GPR153: variants seen among roughly 807,000 people sequenced by gnomAD.
GPR153 encodes probable G protein-coupled receptor 153.
GPR153 carries 27 observed loss-of-function variants against 34.1 expected under a neutral mutation model. The ratio of observed to expected loss-of-function variants is 0.79; its 90% CI spans 0.58 to 1.09. GPR153 has a LOEUF of 1.09. Among genes scored for constraint, GPR153 ranks in the 50% least tolerant of loss-of-function variants. GPR153 has a pLI of 0.00. For missense variants in GPR153, 848 were observed against 860.2 expected (o/e 0.99, Z 0.18); for synonymous variants, 408 against 405.4 (o/e 1.01, Z -0.08).
chr1:6,254,124 G>A lies in GPR153; in HGVS notation c.380C>T (p.Ala127Val), dbSNP rs148779940. 4.8e-5 allele frequency: 78 copies of A among 1,609,938 alleles called. No homozygotes were observed. The highest frequency in any genetic ancestry group is 8.3e-5 in the Admixed American group (5 of 59,944). ...NYRLSNAKKQAVHTVMGIWMV... is the reference protein window; with the variant it reads ...NYRLSNAKKQVVHTVMGIWMV... ...CCAGATACCCATGACTGTGTGCACC[G>A]CCTGCTTCTTGGCATTGCTCAGCCT... is the stretch of plus-strand genomic sequence containing the variant. The change falls in exon 3 of 6, where the codon GCG (alanine) becomes GTG (valine). Residue 127 changes from alanine (A) to valine (V), a missense_variant. Transcript: ENST00000377893.
At chr1:6,254,231 C>T (rs908906706) in intron 2 of GPR153, 84 bp from the exon 3 acceptor site, 65 of 1,346,996 alleles carry the variant, frequency 4.8e-5, no homozygotes, top group Middle Eastern at 1.9e-4. Context: ...AGGGGATCCG[C>T]ACCACCCAGG....
chr1:6,252,424 C>T (rs1168146707), intron 3 of GPR153, among the ~76,000 whole-genome samples: 1 of 152,184 alleles, frequency 6.6e-6, no homozygotes, highest in African/African-American at 2.4e-5. Context: ...CCACTGCCCC[C>T]ACTCTGCTCC....
At position 6,249,554 on chromosome 1, in the gene GPR153, CG is replaced by C. The variant is rs1410471736; in HGVS notation, c.1613del (p.Pro538ArgfsTer28). 8.4e-7 allele frequency: 1 copy of C among 1,191,740 alleles called. No individual in the cohort carries two copies. 73.8% of individuals were successfully genotyped at this position (1,191,740 alleles called of 1,614,324 possible). The stretch of plus-strand genomic sequence containing the variant: ...TCCGCTGGGCGCTGCTTGGGGGCGT[CG>C]GGGCCTCTCCGGGATCTGCGCCGTC... ...APDGADPGEAPTPPSSAQRSP... is the reference protein window; with the variant it reads ...APDGADPGEAXTPPSSAQRSP... On this transcript the variant is annotated frameshift_variant, in exon 6 of 6. Coordinates refer to ENST00000377893, the MANE Select transcript of GPR153 (RefSeq NM_207370.4). LOFTEE classifies it low-confidence loss of function (END_TRUNC). The surrounding 1 kb of genome is among the most constrained non-coding windows in gnomAD (Gnocchi z 4.3).
At chr1:6,250,125 T>C in intron 5 of GPR153, 122 bp from the exon 6 acceptor site, 1 of 1,316,442 alleles carries the variant, frequency 7.6e-7, no homozygotes, top group Non-Finnish European at 9.7e-7. Flanking sequence ...TGGGGCAGTC[T>C]GGCTGGGAGC....
intron 5 of GPR153, 175 bp from the exon 6 acceptor site, chr1:6,250,178 AGACAGCTGGG>A: frequency 1.0e-6 from 1 of 985,422 alleles, no homozygotes; most frequent in Non-Finnish European, 1.2e-6. Context: ...GGGCTGTGTC[AGACAGCTGGG>A]GTCGGTTGGG....
chr1:6,257,797 C>A (rs900171218), intron 1 of GPR153, among the ~76,000 whole-genome samples: 1 of 152,228 alleles, frequency 6.6e-6, no homozygotes, highest in Non-Finnish European at 1.5e-5. Flanking sequence ...GGCTGGGCAG[C>A]GAGTCCTTCC....
rs935565807 is a variant in GPR153 at position 6,249,912 on chromosome 1, T to A, written c.1256A>T (p.Glu419Val). ...PAFLPRWGSGEDLAALAHLVL... is the reference protein window; with the variant it reads ...PAFLPRWGSGVDLAALAHLVL... ...CAGGTGCGCCAGGGCGGCCAGGTCC[T>A]CGCCGGAGCCCCAGCGCGGCAGGAA... Residue 419 changes from glutamate (E) to valine (V), a missense_variant, in exon 6 of 6, where the codon GAG becomes GTG. Glu to Val is a moderately radical substitution (Grantham distance 121). Transcript: ENST00000377893. The surrounding 1 kb of genome is among the most constrained non-coding windows in gnomAD (Gnocchi z 4.3). The A allele has an allele frequency of 8.5e-6, 11 of 1,288,690 alleles. No individual in the cohort carries two copies. The African/African-American group carries it at 1.7e-4, about 20-fold the overall frequency. The allele number at this position is 1,288,690 out of a possible 1,614,324, so 79.8% of individuals were successfully genotyped here. A position where few individuals can be genotyped will look rare whatever the true frequency, so the allele number is the denominator to read the frequency against.
intron 1 of GPR153, among the ~76,000 whole-genome samples, chr1:6,257,766 G>A (rs1232443195): frequency 6.6e-6 from 1 of 152,242 alleles, no homozygotes; most frequent in Non-Finnish European, 1.5e-5. Flanking sequence ...GGGGAGCGGG[G>A]AAGCACCCAT....
intron 1 of GPR153, among the ~76,000 whole-genome samples, chr1:6,258,162 A>G (rs1174938679): frequency 6.6e-6 from 1 of 151,716 alleles, no homozygotes; most frequent in Non-Finnish European, 1.5e-5. Context: ...TTTTTTTGAG[A>G]TGGAGTTTTA....
At chr1:6,260,309 G>A (rs1249561514) in intron 1 of GPR153, among the ~76,000 whole-genome samples, 2 of 151,200 alleles carry the variant, frequency 1.3e-5, no homozygotes, top group Non-Finnish European at 3.0e-5. Context: ...GCAGCGCGAG[G>A]CCTGGACATC....
chr1:6,252,196 G>A (rs114825289), intron 3 of GPR153, among the ~76,000 whole-genome samples: 19 of 152,316 alleles, frequency 1.2e-4, no homozygotes, highest in African/African-American at 3.8e-4. Context: ...TGATTCTGCC[G>A]TTTGTGGGCC....
chr1:6,256,657 G>A lies in GPR153; in HGVS notation c.-109-1643C>T, dbSNP rs371573746. Reference sequence around the variant, plus strand: ...AGTGCTGGGATTACAGGCATGAGCCGCCGTGCCTGGCCTTATTTTTATATT... The same window carrying A: ...AGTGCTGGGATTACAGGCATGAGCCACCGTGCCTGGCCTTATTTTTATATT... On this transcript the variant is annotated intron_variant, in intron 1 of 5. Coordinates refer to ENST00000377893, the MANE Select transcript of GPR153 (RefSeq NM_207370.4). 1.9e-3 allele frequency among the ~76,000 whole-genome samples: 293 copies of A among 151,998 alleles called. 2 individuals carry two copies. The highest frequency in any genetic ancestry group is 6.5e-3 in the African/African-American group (271 of 41,464).
At position 6,249,589 on chromosome 1, in the gene GPR153, C is replaced by G; in HGVS notation, c.1579G>C (p.Ala527Pro). 2 of 1,160,998 alleles carry G rather than the reference C, an allele frequency of 1.7e-6. No individual in the cohort carries two copies. Among genetic ancestry groups the G allele is most frequent in the Non-Finnish European group, 2.1e-6 (2 of 942,862 alleles). 71.9% of individuals were successfully genotyped at this position (1,160,998 alleles called of 1,614,324 possible). A position where few individuals can be genotyped will look rare whatever the true frequency, so the allele number is the denominator to read the frequency against. ...RPPGPFPAAP[A>P]APDGADPGEA... Reference sequence around the variant, plus strand: ...CCGGGATCTGCGCCGTCGGGGGCGGCGGGCGCAGCGGGGAAGGGCCCGGGC... The same window carrying G: ...CCGGGATCTGCGCCGTCGGGGGCGGGGGGCGCAGCGGGGAAGGGCCCGGGC... The change falls in exon 6 of 6, where the codon GCC (alanine) becomes CCC (proline). Residue 527 changes from alanine (A) to proline (P), a missense_variant. Physicochemically the swap from Ala to Pro is conservative, Grantham distance 27 (BLOSUM62 -1). Transcript: ENST00000377893. The surrounding 1 kb of genome is among the most constrained non-coding windows in gnomAD (Gnocchi z 4.3).
intron 4 of GPR153, among the ~76,000 whole-genome samples, 199 bp from the exon 5 acceptor site, chr1:6,250,823 C>A (rs1638432279): frequency 6.6e-6 from 1 of 152,192 alleles, no homozygotes; most frequent in Admixed American, 6.5e-5. Context: ...TGAGACTGGG[C>A]AGGGAGGTCA....
chr1:6,252,712 T>A (rs1001985916), intron 3 of GPR153, among the ~76,000 whole-genome samples: 2 of 152,126 alleles, frequency 1.3e-5, no homozygotes, highest in Non-Finnish European at 2.9e-5. Flanking sequence ...CAGGCTGGTC[T>A]TTGCCCCAGT....
At chr1:6,250,243 G>A (rs910756046) in intron 5 of GPR153, 197 bp downstream of exon 5, 2 of 985,324 alleles carry the variant, frequency 2.0e-6, no homozygotes, top group Non-Finnish European at 2.4e-6. Flanking sequence ...GATAACTCAT[G>A]TGACAGGGAC....
Position 6,249,725 on chromosome 1 carries a change from GC to G in GPR153, c.1442del (p.Gly481AlafsTer25). 2 of 1,045,902 alleles carry G rather than the reference GC, an allele frequency of 1.9e-6. No homozygotes were observed. Among genetic ancestry groups the G allele is most frequent in the Non-Finnish European group, 2.3e-6 (2 of 871,300 alleles). The allele number at this position is 1,045,902 out of a possible 1,614,324, so 64.8% of individuals were successfully genotyped here. A position where few individuals can be genotyped will look rare whatever the true frequency, so the allele number is the denominator to read the frequency against. On this transcript the variant is annotated frameshift_variant, in exon 6 of 6. Coordinates refer to ENST00000377893, the MANE Select transcript of GPR153 (RefSeq NM_207370.4). LOFTEE classifies it low-confidence loss of function (END_TRUNC). The surrounding 1 kb of genome is among the most constrained non-coding windows in gnomAD (Gnocchi z 4.3). The stretch of plus-strand genomic sequence containing the variant: ...CGGGCCCGGGGCGGCGGCGCGGGCT[GC>G]CGGGGGGCGAGTCGCGGGCTCCCCG... ...GPRGARDSPP[G>X]SPRRRPGPGP... is the part of the protein sequence containing the mutation.
Position 6,249,455 on chromosome 1 carries a change from C to A in GPR153, c.1713G>T (p.Glu571Asp). Residue 571 changes from glutamate (E) to aspartate (D), a missense_variant, in exon 6 of 6, where the codon GAG (glutamate) becomes GAT (aspartate). Transcript: ENST00000377893. The surrounding 1 kb of genome is among the most constrained non-coding windows in gnomAD (Gnocchi z 4.3). The part of the protein sequence containing the change: ...LRPGLSASWG[E>D]PGGLRAAGGG... ...CGCCCGCCGCGCGCAGCCCCCCGGG[C>A]TCGCCCCACGACGCGCTCAGGCCGG... 1.5e-6 allele frequency: 2 copies of A among 1,348,764 alleles called. No homozygotes were observed. Among genetic ancestry groups the A allele is most frequent in the South Asian group, 3.7e-5 (2 of 54,090 alleles). 83.5% of individuals were successfully genotyped at this position (1,348,764 alleles called of 1,614,324 possible).
At chr1:6,260,377 C>CA (rs1638645818) in intron 1 of GPR153, among the ~76,000 whole-genome samples, 1 of 28,436 alleles carries the variant, frequency 3.5e-5, no homozygotes, top group South Asian at 1.7e-3. Flanking sequence ...GGGCTCCGAT[C>CA]CCCCCCCCCC....
Sources: gnomAD v4.1 joint callset for allele counts (sites outside exome capture counted in the v4.1 genomes callset) on GRCh38, gnomAD v4.1.1 for gene constraint, Gnocchi (gnomAD v3.1) non-coding constraint, MANE v1.5 for transcripts, NCBI Gene and HGNC (gene_info 2026-07-23, HGNC 2026-07-21) for gene names.